The following CSMD1 variants were observed in gnomAD, a reference collection of about 807,000 sequenced individuals.
CSMD1 encodes the protein CUB and sushi domain-containing protein 1.
In CSMD1, 213 loss-of-function variants were observed where a neutral mutation model predicts 417.5. The observed-to-expected ratio is 0.51, with a 90% CI of 0.46 to 0.57. The LOEUF (loss-of-function observed/expected upper bound fraction) is 0.57. Ranked by LOEUF, CSMD1 falls within the 20% of genes least tolerant of loss-of-function variation. The pLI is 0.00. For synonymous variants in CSMD1, 2,862 were observed against 1,736.8 expected, an observed-to-expected ratio of 1.65 and a Z score of -16.11; for missense variants, 6,923 against 4,529.7, an observed-to-expected ratio of 1.53 and a Z score of -15.17.
At chr8:3,028,195 T>A (rs1019890373) in intron 51 of CSMD1, among the ~76,000 whole-genome samples, 5 of 152,312 alleles carry the variant, frequency 3.3e-5, no homozygotes, top group Non-Finnish European at 4.4e-5. Context: ...GACAAGATGA[T>A]GTTGGCGGGA....
At chr8:3,215,542 C>A (rs1404343500) in intron 29 of CSMD1, among the ~76,000 whole-genome samples, 2 of 152,238 alleles carry the variant, frequency 1.3e-5, no homozygotes, top group Non-Finnish European at 2.9e-5. Context: ...CCTGCAGAGA[C>A]CTGCCCACTT....
rs1208930261 is a variant in CSMD1 at position 4,146,593 on chromosome 8, C to CTTTTTTTTTTTTTTT, written c.416-114495_416-114494insAAAAAAAAAAAAAAA. Among the ~76,000 whole-genome samples, 190 of 90,726 alleles carry CTTTTTTTTTTTTTTT rather than the reference C, an allele frequency of 2.1e-3. 73 individuals carry two copies. The highest frequency in any genetic ancestry group is 2.6e-3 in the Non-Finnish European group (135 of 51,276). The allele number at this position is 90,726 out of a possible 152,430, so 59.5% of individuals were successfully genotyped here. On this transcript the variant is annotated intron_variant, in intron 3 of 69. Coordinates refer to ENST00000635120, the MANE Select transcript of CSMD1 (RefSeq NM_033225.6). ...ATCTGTCTAAATGTTTATATGGACACATTTTTTTTTTTTTTTTTTTTTTTT... is the reference window on the plus strand; with the variant it reads ...ATCTGTCTAAATGTTTATATGGACACTTTTTTTTTTTTTTTATTTTTTTTTTTTTTTTTTTTTTTT...
intron 5 of CSMD1, among the ~76,000 whole-genome samples, chr8:3,875,486 G>T (rs1427083781): frequency 2.0e-5 from 3 of 152,090 alleles, no homozygotes; most frequent in Non-Finnish European, 4.4e-5. Context: ...GGTTCCGAGG[G>T]TCACTGGCAT....
chr8:4,608,671 A>G (rs973068500), intron 2 of CSMD1, among the ~76,000 whole-genome samples: 1 of 152,218 alleles, frequency 6.6e-6, no homozygotes, highest in African/African-American at 2.4e-5. Context: ...GCAATGTCCT[A>G]AAGTCCTCTT....
chr8:3,900,461 A>T (rs1368448904), intron 5 of CSMD1, among the ~76,000 whole-genome samples: 1 of 151,630 alleles, frequency 6.6e-6, no homozygotes, highest in African/African-American at 2.4e-5. Flanking sequence ...ATAACAGTGC[A>T]GCTGGGTGAC....
At chr8:4,457,812 C>A (rs778395627) in intron 2 of CSMD1, among the ~76,000 whole-genome samples, 1 of 152,122 alleles carries the variant, frequency 6.6e-6, no homozygotes, top group African/African-American at 2.4e-5. Context: ...TTCTCACCAC[C>A]TCAGCACCCT....
At chr8:3,310,575 T>C (rs1441084286) in intron 23 of CSMD1, among the ~76,000 whole-genome samples, 1 of 152,212 alleles carries the variant, frequency 6.6e-6, no homozygotes, top group Non-Finnish European at 1.5e-5. Flanking sequence ...CATTGGAACA[T>C]ACAATTGGAA....
chr8:4,426,388 T>C (rs1352913147), intron 2 of CSMD1, among the ~76,000 whole-genome samples: 1 of 149,698 alleles, frequency 6.7e-6, no homozygotes, highest in Admixed American at 6.7e-5. Context: ...GTAGTATATA[T>C]AGTAAACCTT....
At chr8:4,893,421 G>T (rs544036689) in intron 1 of CSMD1, among the ~76,000 whole-genome samples, 77 of 152,032 alleles carry the variant, frequency 5.1e-4, no homozygotes, top group Non-Finnish European at 8.4e-4. Context: ...TATTCACAAA[G>T]ATGTAGTTAA....
intron 2 of CSMD1, among the ~76,000 whole-genome samples, chr8:4,495,088 C>G (rs1801913767): frequency 6.6e-6 from 1 of 152,158 alleles, no homozygotes; most frequent in African/African-American, 2.4e-5. Flanking sequence ...ACCAGATTCA[C>G]TATTCACCCT....
At chr8:4,204,827 ATTT>A (rs1799881002) in intron 3 of CSMD1, among the ~76,000 whole-genome samples, 1 of 136,660 alleles carries the variant, frequency 7.3e-6, no homozygotes, top group African/African-American at 3.0e-5. Flanking sequence ...GCTAACTTTT[ATTT>A]AATTTTTTTT....
intron 3 of CSMD1, among the ~76,000 whole-genome samples, chr8:4,113,262 C>T (rs546678478): frequency 1.3e-5 from 2 of 152,006 alleles, no homozygotes; most frequent in Non-Finnish European, 2.9e-5. Context: ...CTGCACATCT[C>T]TCATTTTAAA....
At chr8:3,894,472 C>T (rs1342822523) in intron 5 of CSMD1, among the ~76,000 whole-genome samples, 1 of 151,974 alleles carries the variant, frequency 6.6e-6, no homozygotes, top group Non-Finnish European at 1.5e-5. Flanking sequence ...ATCTTGAGAC[C>T]TCAAATATAG....
At chr8:4,191,099 GA>G (rs199990524) in intron 3 of CSMD1, among the ~76,000 whole-genome samples, 3,998 of 151,774 alleles carry the variant, frequency 0.026, 185 homozygotes, top group African/African-American at 0.091. Context: ...AATAAAAGTT[GA>G]AAAAAATTCA....
In CSMD1 at chr8:3,598,146, T is replaced by C. The variant is rs182404996; in HGVS notation, c.1098-11886A>G. The stretch of plus-strand genomic sequence containing the variant: ...TATTTCCTAACGCATTTAACAAAAC[T>C]AAGTAGGACCAAGCCAATCTGAGAA... On this transcript the variant is annotated intron_variant, in intron 8 of 69. Coordinates refer to ENST00000635120, the MANE Select transcript of CSMD1 (RefSeq NM_033225.6). Among the ~76,000 whole-genome samples the C allele has an allele frequency of 1.1e-3, 175 of 152,236 alleles. 1 individual carries two copies. Among genetic ancestry groups the C allele is most frequent in the South Asian group, 8.7e-3 (42 of 4,822 alleles).
intron 3 of CSMD1, among the ~76,000 whole-genome samples, chr8:4,121,081 G>A (rs1242367426): frequency 1.3e-5 from 2 of 151,740 alleles, no homozygotes; most frequent in South Asian, 2.1e-4. Flanking sequence ...GTTTGTCAAG[G>A]TATTTTTATT....
At chr8:3,545,239 T>C (rs1798609216) in intron 10 of CSMD1, among the ~76,000 whole-genome samples, 1 of 152,202 alleles carries the variant, frequency 6.6e-6, no homozygotes, top group Admixed American at 6.5e-5. Flanking sequence ...TATATATGTA[T>C]GTGTCTATGA....
intron 3 of CSMD1, among the ~76,000 whole-genome samples, chr8:4,121,012 T>C (rs1585358617): frequency 6.6e-6 from 1 of 152,346 alleles, no homozygotes; most frequent in East Asian, 1.9e-4. Flanking sequence ...TGGCTTGGTT[T>C]ATTAAACATA....
At chr8:4,748,313 C>T (rs1215299528) in intron 1 of CSMD1, among the ~76,000 whole-genome samples, 3 of 152,238 alleles carry the variant, frequency 2.0e-5, no homozygotes, top group Admixed American at 1.3e-4. Flanking sequence ...AGCCAGAGTG[C>T]ACCATCTGAG....
Sources: allele counts gnomAD v4.1 joint callset (sites outside exome capture counted in the v4.1 genomes callset), GRCh38; gene constraint gnomAD v4.1.1; transcripts MANE v1.5; gene names NCBI Gene and HGNC (gene_info 2026-07-23, HGNC 2026-07-21).